The following SAMD12 variants were observed in gnomAD, a reference collection of about 807,000 sequenced individuals.
SAMD12 encodes the protein sterile alpha motif domain-containing protein 12.
SAMD12 carries 9 observed loss-of-function variants against 15.0 expected under a neutral mutation model. That is an observed-to-expected ratio of 0.60 (90% CI 0.36 to 1.05). The LOEUF is 1.05. Among genes scored for constraint, SAMD12 ranks in the 50% least tolerant of loss-of-function variants. SAMD12 has a pLI of 0.01. For synonymous variants in SAMD12, 86 were observed against 90.1 expected, an observed-to-expected ratio of 0.96 and a Z score of 0.25; for missense variants, 230 against 234.2, an observed-to-expected ratio of 0.98 and a Z score of 0.12.
intron 4 of SAMD12, among the ~76,000 whole-genome samples, chr8:118,212,920 G>A (rs565765660): frequency 1.8e-4 from 28 of 152,164 alleles, no homozygotes; most frequent in African/African-American, 6.0e-4. Flanking sequence ...AATGAAATAC[G>A]GTAAATGAAA....
intron 2 of SAMD12, among the ~76,000 whole-genome samples, chr8:118,494,064 G>T (rs1824529774): frequency 6.6e-6 from 1 of 152,116 alleles, no homozygotes; most frequent in East Asian, 1.9e-4. Flanking sequence ...CTCACTGATT[G>T]CCTGGTAACA....
intron 2 of SAMD12, among the ~76,000 whole-genome samples, chr8:118,479,720 C>T (rs1261304361): frequency 3.9e-5 from 6 of 151,994 alleles, no homozygotes; most frequent in African/African-American, 1.4e-4. Context: ...TGACCCATTA[C>T]TGCATCCATG....
intron 3 of SAMD12, among the ~76,000 whole-genome samples, chr8:118,392,680 A>G (rs1453902943): frequency 6.6e-6 from 1 of 152,210 alleles, no homozygotes; most frequent in African/African-American, 2.4e-5. Context: ...AGTCATCAAC[A>G]TGATACGCAA....
chr8:118,295,274 T>G (rs568582500), intron 4 of SAMD12, among the ~76,000 whole-genome samples: 68 of 152,242 alleles, frequency 4.5e-4, no homozygotes, highest in Non-Finnish European at 8.8e-4. Context: ...TGCATTTATT[T>G]AATCTCTGTA....
In SAMD12 at chr8:118,509,890, G is replaced by A. The variant is rs558700884; in HGVS notation, c.193-69929C>T. 3.3e-5 allele frequency among the ~76,000 whole-genome samples: 5 copies of A among 152,230 alleles called. No individual in the cohort carries two copies. The South Asian group carries it at 8.3e-4, about 25-fold the overall frequency. On this transcript the variant is annotated intron_variant, in intron 2 of 3. Transcript: ENST00000314727. ...TACTCTAAAGCATAACATTGTAATT[G>A]TTAACGTACAACAGATTTTAATAAT... is the stretch of plus-strand genomic sequence containing the variant.
At chr8:118,188,483 T>C (rs1327490505), downstream of SAMD12, among the ~76,000 whole-genome samples, 2 of 152,202 alleles carry the variant, frequency 1.3e-5, no homozygotes, top group African/African-American at 4.8e-5. Flanking sequence ...GGTTTTACTT[T>C]TGGAAACCTT....
At chr8:118,577,530 A>G (rs1827183593) in intron 2 of SAMD12, among the ~76,000 whole-genome samples, 1 of 152,168 alleles carries the variant, frequency 6.6e-6, no homozygotes, top group African/African-American at 2.4e-5. Context: ...AAAGACCAAC[A>G]TGGCAGGGCT....
chr8:118,313,731 C>G (rs565969611), intron 4 of SAMD12, among the ~76,000 whole-genome samples: 1 of 152,050 alleles, frequency 6.6e-6, no homozygotes, highest in African/African-American at 2.4e-5. Flanking sequence ...CTCCTGTGAT[C>G]CCATTATTGC....
At chr8:118,603,994 AAAAAT>A (rs1827928212) in intron 1 of SAMD12, among the ~76,000 whole-genome samples, 1 of 152,234 alleles carries the variant, frequency 6.6e-6, no homozygotes, top group Non-Finnish European at 1.5e-5. Context: ...TAATTTTCAT[AAAAAT>A]AAAATCTAAA....
At chr8:118,242,922 T>C (rs542020500) in intron 4 of SAMD12, among the ~76,000 whole-genome samples, 10 of 152,098 alleles carry the variant, frequency 6.6e-5, no homozygotes, top group African/African-American at 1.9e-4. Flanking sequence ...CTGCAGAGAG[T>C]AGACAATGGT....
chr8:118,404,239 C>T (rs911451924), intron 3 of SAMD12, among the ~76,000 whole-genome samples: 1 of 152,170 alleles, frequency 6.6e-6, no homozygotes, highest in African/African-American at 2.4e-5. Context: ...TCACCTTAGC[C>T]TCCCAAAGTG....
rs190995786 is a variant in SAMD12, at chr8:118,519,560, T to G, written c.192+61155A>C. Among the ~76,000 whole-genome samples, 955 of 152,334 alleles carry G rather than the reference T, an allele frequency of 6.3e-3. 4 individuals carry two copies. Among genetic ancestry groups the G allele is most frequent in the Middle Eastern group, 0.024 (7 of 294 alleles). On this transcript the variant is annotated intron_variant, in intron 2 of 3. Transcript: ENST00000314727. The stretch of plus-strand genomic sequence containing the variant: ...TAAAGTACATAGAGCATAATGTTAC[T>G]CTTTTTGATGACTTATTGAGGTTAA...
chr8:118,396,016 C>A (rs1357266878), intron 3 of SAMD12, among the ~76,000 whole-genome samples: 1 of 151,714 alleles, frequency 6.6e-6, no homozygotes, highest in Non-Finnish European at 1.5e-5. Flanking sequence ...ATAATTTTCT[C>A]TTCTGATTTA....
chr8:118,391,334 A>C (rs4876410), intron 3 of SAMD12, among the ~76,000 whole-genome samples: 107,303 of 152,022 alleles, frequency 0.71, 39,063 homozygotes, highest in African/African-American at 0.85. Context: ...ATAGGTAGAC[A>C]AAACCTCTAG....
intron 2 of SAMD12, among the ~76,000 whole-genome samples, chr8:118,486,696 A>G (rs1472744422): frequency 6.7e-6 from 1 of 150,344 alleles, no homozygotes; most frequent in Non-Finnish European, 1.5e-5. Context: ...TTTAAGCAAC[A>G]GAATTTGTGG....
intron 2 of SAMD12, among the ~76,000 whole-genome samples, chr8:118,476,987 C>T (rs543618217): frequency 1.3e-5 from 2 of 152,230 alleles, no homozygotes; most frequent in East Asian, 1.9e-4. Flanking sequence ...CCTGTACCTG[C>T]GTATTTCAGC....
rs1819486649 is a variant in SAMD12, at chr8:118,378,251, G to C, written c.*1166C>G. On this transcript the variant is annotated 3_prime_UTR_variant, in exon 4 of 4. Coordinates refer to ENST00000314727, the MANE Select transcript of SAMD12 (RefSeq NM_207506.3). Reference sequence around the variant, plus strand: ...AGAATTACTTGATTCTTTTCACATTGCTGGACCTCTAGGTTGCTTGTAAAT... The same window carrying C: ...AGAATTACTTGATTCTTTTCACATTCCTGGACCTCTAGGTTGCTTGTAAAT... The C allele has an allele frequency of 9.1e-6, 2 of 218,736 alleles. No homozygotes were observed. The highest frequency in any genetic ancestry group is 1.5e-5 in the Non-Finnish European group (2 of 129,062). 13.5% of individuals were successfully genotyped at this position (218,736 alleles called of 1,614,324 possible).
rs1816717373 is a variant in SAMD12, at chr8:118,329,532, C to T, written c.433+50028G>A. Among the ~76,000 whole-genome samples the T allele has an allele frequency of 2.0e-5, 3 of 152,156 alleles. No individual in the cohort carries two copies. In the South Asian group the frequency reaches 6.2e-4, roughly 32 times the overall value. On this transcript the variant is annotated intron_variant, in intron 4 of 4. Transcript: ENST00000409003. ...CTTCAAAGGTCTGGAGTGCATCTCC[C>T]TGATCCCCGCCCTTCACTCTCCATC...
At chr8:118,547,237 C>G (rs1396347256) in intron 2 of SAMD12, among the ~76,000 whole-genome samples, 1 of 152,120 alleles carries the variant, frequency 6.6e-6, no homozygotes, top group African/African-American at 2.4e-5. Flanking sequence ...CAGCAAACAC[C>G]TATGAGTCTG....
Sources: allele counts gnomAD v4.1 joint callset (sites outside exome capture counted in the v4.1 genomes callset), GRCh38; gene constraint gnomAD v4.1.1; transcripts MANE v1.5; gene names NCBI Gene and HGNC (gene_info 2026-07-23, HGNC 2026-07-21).